The following MAP2 variants were observed in gnomAD, a reference collection of about 807,000 sequenced individuals.
MAP2 encodes the protein microtubule-associated protein 2.
MAP2 carries 14 observed loss-of-function variants against 137.6 expected under a neutral mutation model. The observed-to-expected ratio is 0.10, with a 90% CI of 0.07 to 0.16. The LOEUF (loss-of-function observed/expected upper bound fraction) is 0.16. MAP2 is among the 10% of genes least tolerant of loss of function. MAP2 has a pLI of 1.00. For missense variants in MAP2, 2,088 were observed against 2,191.5 expected (o/e 0.95, Z 0.94); for synonymous variants, 786 against 782.3 (o/e 1.00, Z -0.08).
intron 1 of MAP2, among the ~76,000 whole-genome samples, chr2:209,507,199 A>G (rs559950520): frequency 6.6e-6 from 1 of 152,274 alleles, no homozygotes; most frequent in African/African-American, 2.4e-5. Context: ...AGTCTATGGC[A>G]GGATCAAAAT....
rs774462913 is a variant in MAP2, at chr2:209,704,418, T to C, written c.4585-1162T>C. ...CTTTTACTTTATAGTTTGGTTTATT[T>C]TGTGCTTTTGTTTGTTTTCTTTCAT... On this transcript the variant is annotated intron_variant, in intron 11 of 15. Coordinates refer to ENST00000682079, the MANE Select transcript of MAP2 (RefSeq NM_001375505.1). The C allele has an allele frequency of 1.9e-6, 3 of 1,579,816 alleles. 1 individual carries two copies. The South Asian group carries it at 3.5e-5, about 19-fold the overall frequency.
At chr2:209,441,523 C>G (rs555961505) in intron 1 of MAP2, among the ~76,000 whole-genome samples, 5 of 151,664 alleles carry the variant, frequency 3.3e-5, no homozygotes, top group African/African-American at 1.2e-4. Flanking sequence ...ATTTATTGTA[C>G]TGCTTTTCGA....
chr2:209,630,097 A>G (rs1330981795), intron 4 of MAP2, among the ~76,000 whole-genome samples: 2 of 152,096 alleles, frequency 1.3e-5, no homozygotes, highest in African/African-American at 4.8e-5. Context: ...ATGGTGGTCC[A>G]GGCATGGTTA....
intron 1 of MAP2, among the ~76,000 whole-genome samples, chr2:209,493,177 G>A (rs781754227): frequency 6.6e-6 from 1 of 152,076 alleles, no homozygotes; most frequent in Non-Finnish European, 1.5e-5. Flanking sequence ...CAAGCAATGG[G>A]GAAAGGATTT....
chr2:209,695,407 C>A lies in MAP2; in HGVS notation c.3237C>A (p.Thr1079=). The change falls in exon 8 of 16, where the codon ACC becomes ACA. Residue 1079 remains threonine, a synonymous_variant. Coordinates refer to ENST00000682079, the MANE Select transcript of MAP2 (RefSeq NM_001375505.1). ...AACTTGAGGCTACACAGGACATGAC[C>A]CCCTCATCCAAAGCACCGCAGGAGG... ...ELKLEATQDM[T]PSSKAPQEAD... 1 of 1,612,832 alleles carries A rather than the reference C, an allele frequency of 6.2e-7. No individual in the cohort carries two copies. The highest frequency in any genetic ancestry group is 8.5e-7 in the Non-Finnish European group (1 of 1,179,500).
chr2:209,649,252 A>T (rs1478315950), intron 4 of MAP2, among the ~76,000 whole-genome samples: 1 of 152,100 alleles, frequency 6.6e-6, no homozygotes, highest in Non-Finnish European at 1.5e-5. Context: ...CCTGGACTCA[A>T]GCAATCCTCC....
At chr2:209,682,826 A>C (rs1252113282) in intron 7 of MAP2, among the ~76,000 whole-genome samples, 1 of 152,138 alleles carries the variant, frequency 6.6e-6, no homozygotes, top group East Asian at 1.9e-4. Flanking sequence ...AGCAGTGGTC[A>C]GCTGGGGTCA....
intron 4 of MAP2, among the ~76,000 whole-genome samples, chr2:209,632,347 G>C (rs182431557): frequency 2.4e-4 from 37 of 152,170 alleles, no homozygotes; most frequent in African/African-American, 8.9e-4. Context: ...CATTCACATT[G>C]GTGGGGAGAA....
chr2:209,511,314 A>G (rs143633702), intron 2 of MAP2, among the ~76,000 whole-genome samples: 1 of 152,068 alleles, frequency 6.6e-6, no homozygotes, highest in African/African-American at 2.4e-5. Context: ...AGTACTTAGC[A>G]TATATATTCC....
rs1376777600 is a variant in MAP2, at chr2:209,694,523, T to C, written c.2353T>C (p.Ser785Pro). ...AGAAGAAAGTACTCAAGCGGAGATA[T>C]CATGTGAGTCTCCTTTCCTAGCCAA... ...TGEESTQAEI[S>P]CESPFLAKDF... The change falls in exon 8 of 16, where the codon TCA becomes CCA. Residue 785 changes from serine to proline, a missense_variant. This residue lies in a region of MAP2 where 500 missense variants were observed against 482.9 expected (regional missense o/e 1.04). Transcript: ENST00000682079. 6 of 1,614,032 alleles carry C rather than the reference T, an allele frequency of 3.7e-6. No homozygotes were observed. The highest frequency in any genetic ancestry group is 1.1e-5 in the South Asian group (1 of 91,078).
At position 209,716,815 on chromosome 2, in the gene MAP2, C is replaced by T. The variant is rs540637165; in HGVS notation, c.5073+6561C>T. On this transcript the variant is annotated intron_variant, in intron 13 of 15. Transcript: ENST00000682079. ...TATAGCACCATTTCATTTAAATAGA[C>T]TCTTAAATCATTTTAAATTCTCACA... Among the ~76,000 whole-genome samples the T allele has an allele frequency of 3.2e-3, 484 of 152,168 alleles. 2 individuals carry two copies. Among genetic ancestry groups the T allele is most frequent in the Middle Eastern group, 0.01 (3 of 294 alleles).
intron 3 of MAP2, among the ~76,000 whole-genome samples, chr2:209,598,024 G>T (rs1418204230): frequency 6.6e-6 from 1 of 151,070 alleles, no homozygotes; most frequent in East Asian, 1.9e-4. Context: ...TATTTTTTTT[G>T]AGACTGAGTC....
intron 4 of MAP2, among the ~76,000 whole-genome samples, chr2:209,643,003 TA>T (rs146305190): frequency 0.018 from 2,677 of 152,292 alleles, 79 homozygotes; most frequent in African/African-American, 0.062. Flanking sequence ...TTTATGTGCT[TA>T]ATTGTATTAC....
intron 13 of MAP2, chr2:209,723,726 G>A (rs757500818): frequency 5.7e-5 from 81 of 1,428,994 alleles, no homozygotes; most frequent in Non-Finnish European, 7.2e-5. Context: ...TCCTGATTGC[G>A]TGGAGCCACC....
chr2:209,590,721 A>G (rs1018798470), intron 3 of MAP2, among the ~76,000 whole-genome samples: 11 of 152,194 alleles, frequency 7.2e-5, no homozygotes, highest in Non-Finnish European at 1.2e-4. Context: ...TTCTTTTTAC[A>G]GAACATTATA....
intron 4 of MAP2, among the ~76,000 whole-genome samples, chr2:209,642,534 ACTAT>A (rs898671734): frequency 6.6e-5 from 10 of 152,086 alleles, no homozygotes; most frequent in South Asian, 6.2e-4. Context: ...CTTTATTTGT[ACTAT>A]CTATTTCTAG....
At chr2:209,673,815 A>C (rs1040536536) in intron 5 of MAP2, among the ~76,000 whole-genome samples, 1 of 151,906 alleles carries the variant, frequency 6.6e-6, no homozygotes, top group Non-Finnish European at 1.5e-5. Flanking sequence ...GAAAAAGAGA[A>C]TAGAAAGTAT....
chr2:209,583,147 G>GATCTATCTA (rs1553604237), intron 3 of MAP2, among the ~76,000 whole-genome samples: 17 of 147,152 alleles, frequency 1.2e-4, no homozygotes, highest in African/African-American at 4.3e-4. Context: ...CTGTCTGTCT[G>GATCTATCTA]TCTATCTATC....
chr2:209,677,135 G>A (rs1199542668), intron 5 of MAP2, among the ~76,000 whole-genome samples: 1 of 151,638 alleles, frequency 6.6e-6, no homozygotes. Flanking sequence ...CTTCTCTACT[G>A]CCCTCTTCAC....
Sources: allele counts gnomAD v4.1 joint callset (sites outside exome capture counted in the v4.1 genomes callset), GRCh38; gene constraint gnomAD v4.1.1; regional missense constraint gnomAD v4.1.1; transcripts MANE v1.5; gene names NCBI Gene and HGNC (gene_info 2026-07-23, HGNC 2026-07-21).